The following PC variants were observed in gnomAD, a reference collection of about 807,000 sequenced individuals.
PC encodes pyruvate carboxylase, mitochondrial.
In PC, 46 loss-of-function variants were observed where a neutral mutation model predicts 107.8. That is an observed-to-expected ratio of 0.43 (90% confidence interval 0.34 to 0.55). The LOEUF is 0.55. Among genes scored for constraint, PC ranks in the 20% least tolerant of loss-of-function variants. The pLI, the probability that PC is intolerant of heterozygous loss-of-function variation, is 0.04. For missense variants in PC, 1,241 were observed against 1,643.1 expected (o/e 0.76, Z 4.23); for synonymous variants, 662 against 684.7 (o/e 0.97, Z 0.52).
Position 66,857,397 on chromosome 11 carries a change from CG to C in PC, c.1369-4015del. The stretch of plus-strand genomic sequence containing the variant: ...CCTTCTCTGGCGGGGGAGGGTATGG[CG>C]GGGAGTGGGGAGGCGGCTGGCGATT... On this transcript the variant is annotated intron_variant, in intron 12 of 22. Transcript: ENST00000393960. The surrounding 1 kb of genome is among the most constrained non-coding windows in gnomAD (Gnocchi z 7.1). The C allele has an allele frequency of 3.8e-6, 1 of 260,528 alleles. No individual in the cohort carries two copies. The highest frequency in any genetic ancestry group is 1.2e-4 in the South Asian group (1 of 8,566). The allele number at this position is 260,528 out of a possible 1,614,324, so 16.1% of individuals were successfully genotyped here. A position where few individuals can be genotyped will look rare whatever the true frequency, so the allele number is the denominator to read the frequency against.
chr11:66,898,777 T>A (rs1947850703), intron 3 of PC, among the ~76,000 whole-genome samples: 1 of 152,206 alleles, frequency 6.6e-6, no homozygotes, highest in South Asian at 2.1e-4. Flanking sequence ...TCCTATCCCC[T>A]AGCTGTCATG....
intron 3 of PC, among the ~76,000 whole-genome samples, chr11:66,893,689 T>A (rs1279843949): frequency 6.6e-6 from 1 of 152,176 alleles, no homozygotes; most frequent in Admixed American, 6.5e-5. Flanking sequence ...TCTCTCTCCA[T>A]CAACACAGGC....
chr11:66,849,534 G>A lies in PC; in HGVS notation c.3147+77C>T. 3.7e-6 allele frequency: 6 copies of A among 1,611,036 alleles called. No individual in the cohort carries two copies. In the East Asian group the frequency reaches 1.3e-4, roughly 36 times the overall value. The stretch of plus-strand genomic sequence containing the variant: ...CTGCTCCCAAAGCTTGCGAGGCTGG[G>A]TGACAGCCAAGCTAAACTCCAGAGC... On this transcript the variant is annotated intron_variant, in intron 21 of 22. Coordinates refer to ENST00000393960, the MANE Select transcript of PC (RefSeq NM_001040716.2).
At chr11:66,859,473 C>T (rs1946105838) in intron 12 of PC, among the ~76,000 whole-genome samples, 1 of 152,234 alleles carries the variant, frequency 6.6e-6, no homozygotes, top group Non-Finnish European at 1.5e-5. Context: ...TGCACACACC[C>T]ATCTCCTGGC....
chr11:66,926,540 G>C (rs1335638139), intron 3 of PC, among the ~76,000 whole-genome samples: 2 of 152,114 alleles, frequency 1.3e-5, no homozygotes, highest in African/African-American at 2.4e-5. Context: ...CGGGGTCTAG[G>C]GACATGACCA....
At chr11:66,851,401 G>T in intron 16 of PC, 121 bp from the exon 17 acceptor site, 1 of 1,441,954 alleles carries the variant, frequency 6.9e-7, no homozygotes, top group Non-Finnish European at 9.5e-7. Flanking sequence ...GTCTCGCCTG[G>T]CAGGGGGTGT....
At position 66,849,126 on chromosome 11, in the gene PC, C is replaced by T; in HGVS notation, c.3310G>A (p.Ala1104Thr). 2 of 1,614,044 alleles carry T rather than the reference C, an allele frequency of 1.2e-6. No homozygotes were observed. The highest frequency in any genetic ancestry group is 1.7e-6 in the Non-Finnish European group (2 of 1,180,026). Residue 1104 changes from alanine to threonine, a missense_variant, in exon 23 of 23, where the codon GCC (alanine) becomes ACC (threonine). Physicochemically the swap from Ala to Thr is moderately conservative, Grantham distance 58. Transcript: ENST00000393960. ...AMKEMHFHPK[A>T]LKDVKGQIGA... ...ATCTGGCCCTTCACGTCCTTTAGGG[C>T]CTTGGGGTGGAAGTGCATCTCCTGA...
At chr11:66,851,644 A>C (rs552808435) in intron 16 of PC, 146 bp downstream of exon 16, 1 of 878,062 alleles carries the variant, frequency 1.1e-6, no homozygotes. Flanking sequence ...ACACTTCTCG[A>C]TATTTCCAAA....
intron 17 of PC, 25 bp downstream of exon 17, chr11:66,850,990 GGGGACATGGCCGGGGCAGAGAGGGA>G: frequency 3.1e-6 from 5 of 1,609,184 alleles, no homozygotes; most frequent in Non-Finnish European, 4.2e-6. Flanking sequence ...TGTGGGTGGC[GGGGACATGGCCGGGGCAGAGAGGGA>G]GGGACGGACA....
chr11:66,860,625 G>A, intron 12 of PC: 1 of 701,664 alleles, frequency 1.4e-6, no homozygotes, highest in Non-Finnish European at 2.6e-6. Context: ...GTCCACAGGG[G>A]CGGCCCAGGG....
chr11:66,852,071 C>T lies in PC; in HGVS notation c.1826-125G>A, dbSNP rs544226185. On this transcript the variant is annotated intron_variant, in intron 15 of 22. Transcript: ENST00000393960. This position sits in a 1 kb window ranked among gnomAD's most constrained non-coding sequence, Gnocchi z 4.7. ...CAGGTCCTGCTCATCTTCGCCATAC[C>T]TGTGTTCCCTGCTCCAACCCCCACA... 2 of 968,844 alleles carry T rather than the reference C, an allele frequency of 2.1e-6. No homozygotes were observed. Among genetic ancestry groups the T allele is most frequent in the South Asian group, 1.4e-5 (1 of 70,520 alleles). 60.0% of individuals were successfully genotyped at this position (968,844 alleles called of 1,614,324 possible). A position where few individuals can be genotyped will look rare whatever the true frequency, so the allele number is the denominator to read the frequency against.
At chr11:66,873,550 TA>T (rs1297841752) in intron 3 of PC, among the ~76,000 whole-genome samples, 43 of 104,464 alleles carry the variant, frequency 4.1e-4, no homozygotes, top group African/African-American at 1.6e-3. Flanking sequence ...TATATAATAT[TA>T]TAATATTATA....
intron 3 of PC, among the ~76,000 whole-genome samples, chr11:66,951,613 C>T (rs191823691): frequency 1.7e-3 from 254 of 152,132 alleles, no homozygotes; most frequent in African/African-American, 6.1e-3. Flanking sequence ...AAAATTAGGC[C>T]GGGCACAGTG....
At chr11:66,949,400 C>G (rs1009139586) in intron 3 of PC, among the ~76,000 whole-genome samples, 3 of 151,970 alleles carry the variant, frequency 2.0e-5, no homozygotes, top group Admixed American at 6.6e-5. Context: ...AAGCATTAAT[C>G]AAAAAGCCCC....
At chr11:66,925,488 C>G (rs1264283860) in intron 3 of PC, among the ~76,000 whole-genome samples, 1 of 152,240 alleles carries the variant, frequency 6.6e-6, no homozygotes, top group Non-Finnish European at 1.5e-5. Flanking sequence ...CTCCGCCCAG[C>G]TCACCGGCAG....
intron 3 of PC, among the ~76,000 whole-genome samples, chr11:66,896,445 C>T (rs1038811059): frequency 2.0e-5 from 3 of 152,162 alleles, no homozygotes; most frequent in Non-Finnish European, 4.4e-5. Context: ...CAAGAAAAGG[C>T]AAAGGTCTTT....
intron 3 of PC, among the ~76,000 whole-genome samples, chr11:66,928,007 C>T (rs1948760171): frequency 6.6e-6 from 1 of 152,146 alleles, no homozygotes; most frequent in Admixed American, 6.6e-5. Context: ...GTTTCGGCCA[C>T]AGACATGAAG....
At position 66,852,270 on chromosome 11, in the gene PC, G is replaced by C. The variant is rs1945546091; in HGVS notation, c.1825+169C>G. Among the ~76,000 whole-genome samples, 1 of 152,182 alleles carries C rather than the reference G, an allele frequency of 6.6e-6. No homozygotes were observed. Among genetic ancestry groups the C allele is most frequent in the Admixed American group, 6.5e-5 (1 of 15,288 alleles). ...CACCTGGTCTCAGCTCTGCAACCTC[G>C]TGCCGGCACCAGGCCTGGCCGGAGA... On this transcript the variant is annotated intron_variant, in intron 15 of 22. Coordinates refer to ENST00000393960, the MANE Select transcript of PC (RefSeq NM_001040716.2). The surrounding 1 kb of genome is among the most constrained non-coding windows in gnomAD (Gnocchi z 4.7).
At chr11:66,891,951 C>T (rs1947591967) in intron 3 of PC, among the ~76,000 whole-genome samples, 1 of 152,130 alleles carries the variant, frequency 6.6e-6, no homozygotes, top group African/African-American at 2.4e-5. Flanking sequence ...TTGTGAACTG[C>T]CTGTTCACAT....
Sources: gnomAD v4.1 joint callset for allele counts (sites outside exome capture counted in the v4.1 genomes callset) on GRCh38, gnomAD v4.1.1 for gene constraint, Gnocchi (gnomAD v3.1) non-coding constraint, MANE v1.5 for transcripts, NCBI Gene and HGNC (gene_info 2026-07-23, HGNC 2026-07-21) for gene names.